HPSE2: variants seen among roughly 807,000 people sequenced by gnomAD.
HPSE2 encodes the protein heparanase 2 (inactive), also known as inactive heparanase-2.
A neutral mutation model predicts 60.5 loss-of-function variants in HPSE2; 38 were observed. The observed-to-expected ratio is 0.63, with a 90% CI of 0.48 to 0.82. The LOEUF is 0.82. HPSE2 is among the 40% of genes least tolerant of loss of function. The pLI is 0.00. For missense variants in HPSE2, 713 were observed against 740.4 expected (o/e 0.96, Z 0.43); for synonymous variants, 295 against 293.2 (o/e 1.01, Z -0.06).
At chr10:98,614,229 C>T (rs1440729731) in intron 9 of HPSE2, among the ~76,000 whole-genome samples, 1 of 151,856 alleles carries the variant, frequency 6.6e-6, no homozygotes, top group African/African-American at 2.4e-5. Flanking sequence ...TGGAAAAATT[C>T]ACTCTCAAGC....
intron 3 of HPSE2, among the ~76,000 whole-genome samples, chr10:98,800,935 C>T (rs768923585): frequency 3.5e-4 from 53 of 152,154 alleles, no homozygotes; most frequent in Non-Finnish European, 6.6e-4. Flanking sequence ...CAGAAAACTA[C>T]AGGCCAATAT....
At chr10:98,537,839 G>A (rs1293685539) in intron 9 of HPSE2, among the ~76,000 whole-genome samples, 1 of 152,236 alleles carries the variant, frequency 6.6e-6, no homozygotes, top group African/African-American at 2.4e-5. Context: ...TCCCTGCGGT[G>A]CTGTGCTTCA....
intron 2 of HPSE2, among the ~76,000 whole-genome samples, chr10:99,200,951 A>T (rs1288673709): frequency 2.0e-5 from 3 of 152,168 alleles, no homozygotes; most frequent in Non-Finnish European, 4.4e-5. Context: ...TCAACTATCA[A>T]ATTGTCTGCC....
chr10:99,150,970 T>C (rs1846238447), intron 2 of HPSE2, among the ~76,000 whole-genome samples: 1 of 152,048 alleles, frequency 6.6e-6, no homozygotes, highest in Non-Finnish European at 1.5e-5. Context: ...ATCACTAAGC[T>C]ATGCAGACTC....
chr10:99,117,484 AAAG>A (rs1208279696), intron 3 of HPSE2, among the ~76,000 whole-genome samples: 4 of 150,120 alleles, frequency 2.7e-5, no homozygotes, highest in Non-Finnish European at 5.9e-5. Flanking sequence ...CTAGACAAAT[AAAG>A]AAGAGAGAAG....
chr10:98,481,364 C>G, intron 11 of HPSE2, among the ~76,000 whole-genome samples: 1 of 152,092 alleles, frequency 6.6e-6, no homozygotes, highest in East Asian at 1.9e-4. Context: ...AAATAATTTT[C>G]CCAGGTCATA....
intron 4 of HPSE2, among the ~76,000 whole-genome samples, chr10:98,731,585 G>C (rs1038306407): frequency 2.6e-5 from 4 of 152,150 alleles, no homozygotes; most frequent in Non-Finnish European, 4.4e-5. Context: ...ACCCATTCCT[G>C]ATAAATATTC....
At chr10:98,703,901 T>A (rs1315785870) in intron 5 of HPSE2, among the ~76,000 whole-genome samples, 32 of 152,128 alleles carry the variant, frequency 2.1e-4, no homozygotes, top group Admixed American at 2.1e-3. Context: ...CAACATAGTA[T>A]TGGAAATTCT....
chr10:99,012,334 A>G (rs1296840193), intron 3 of HPSE2, among the ~76,000 whole-genome samples: 2 of 152,260 alleles, frequency 1.3e-5, no homozygotes, highest in East Asian at 3.9e-4. Flanking sequence ...CTAAGCCAAG[A>G]ATCTGATCGC....
rs917915125 is a variant in HPSE2 at position 98,459,798 on chromosome 10, C to G, written c.1614-59G>C. On this transcript the variant is annotated intron_variant, in intron 11 of 11. Coordinates refer to ENST00000370552, the MANE Select transcript of HPSE2 (RefSeq NM_021828.5). ...TTGCATTATAAGGGAGCCACTGCAA[C>G]AAAGCCTAGCCCCAGATGGCCTGGC... The G allele has an allele frequency of 1.9e-4, 292 of 1,516,046 alleles. 1 individual carries two copies. The highest frequency in any genetic ancestry group is 2.6e-4 in the Non-Finnish European group (287 of 1,110,012). 93.9% of individuals were successfully genotyped at this position (1,516,046 alleles called of 1,614,324 possible).
At chr10:98,472,734 G>A (rs917820013) in intron 11 of HPSE2, among the ~76,000 whole-genome samples, 2 of 152,154 alleles carry the variant, frequency 1.3e-5, no homozygotes, top group African/African-American at 2.4e-5. Flanking sequence ...TTTCAAGAAT[G>A]TAAATTCATA....
intron 3 of HPSE2, among the ~76,000 whole-genome samples, chr10:99,049,661 C>A (rs4919270): frequency 0.98 from 149,071 of 152,218 alleles, 73,070 homozygotes; most frequent in East Asian, 1. Context: ...AAGTTTCTAG[C>A]TCCAGCAAAA....
chr10:99,181,529 C>G (rs1226243797), intron 2 of HPSE2, among the ~76,000 whole-genome samples: 1 of 151,764 alleles, frequency 6.6e-6, no homozygotes, highest in Non-Finnish European at 1.5e-5. Context: ...GGCACATATA[C>G]AGCATGGAAT....
intron 3 of HPSE2, among the ~76,000 whole-genome samples, chr10:98,899,497 G>T (rs997831042): frequency 2.6e-5 from 4 of 151,894 alleles, no homozygotes; most frequent in Non-Finnish European, 4.4e-5. Context: ...TTTTAAAATG[G>T]GCAAAAGATT....
chr10:99,232,220 C>T (rs531367086), intron 2 of HPSE2, 128 bp downstream of exon 2: 42,373 of 514,504 alleles, frequency 0.082, 2,228 homozygotes, highest in Admixed American at 0.17. Flanking sequence ...CGCATACACA[C>T]ACACACACAC....
At chr10:98,540,989 ATCTT>A (rs1322378557) in intron 9 of HPSE2, among the ~76,000 whole-genome samples, 1 of 152,200 alleles carries the variant, frequency 6.6e-6, no homozygotes, top group Non-Finnish European at 1.5e-5. Context: ...TTTGAAAAGA[ATCTT>A]TATTTAGGAC....
In HPSE2 at chr10:98,938,682, C is replaced by A. The variant is rs192828406; in HGVS notation, c.611-194626G>T. Among the ~76,000 whole-genome samples, 62 of 144,142 alleles carry A rather than the reference C, an allele frequency of 4.3e-4. 7 individuals are homozygous for A. In the East Asian group the frequency reaches 4.9e-3, roughly 11 times the overall value. The allele number at this position is 144,142 out of a possible 152,430, so 94.6% of individuals were successfully genotyped here. ...CTCTGCAGGATATTGTCCAGGAGAA[C>A]TTCCCCAATCTAGCAAGGCACGCCA... On this transcript the variant is annotated intron_variant, in intron 3 of 11. Coordinates refer to ENST00000370552, the MANE Select transcript of HPSE2 (RefSeq NM_021828.5).
intron 9 of HPSE2, among the ~76,000 whole-genome samples, chr10:98,547,832 A>AACAC (rs61422513): frequency 1.3e-4 from 20 of 148,342 alleles, no homozygotes; most frequent in Middle Eastern, 3.5e-3. Context: ...ATAGAACACA[A>AACAC]ACACACACAC....
At chr10:99,076,698 T>C (rs1042141424) in intron 3 of HPSE2, among the ~76,000 whole-genome samples, 1 of 152,238 alleles carries the variant, frequency 6.6e-6, no homozygotes, top group African/African-American at 2.4e-5. Context: ...CTATTTTTCA[T>C]ACTTTTGTCT....
Sources: gnomAD v4.1 joint callset for allele counts (sites outside exome capture counted in the v4.1 genomes callset) on GRCh38, gnomAD v4.1.1 for gene constraint, MANE v1.5 for transcripts, NCBI Gene and HGNC (gene_info 2026-07-23, HGNC 2026-07-21) for gene names.